Variants in SLC17A1 observed in about 807,000 individuals in gnomAD.
The protein encoded by SLC17A1 is sodium-dependent phosphate transport protein 1.
Under a neutral mutation model 53.5 loss-of-function variants are expected in SLC17A1, and 51 were observed. That is an observed-to-expected ratio of 0.95 (90% confidence interval 0.76 to 1.20). The LOEUF (loss-of-function observed/expected upper bound fraction) is 1.20, where lower values mean the gene tolerates loss of function less well. Among genes scored for constraint, SLC17A1 ranks in the 50% most tolerant of loss-of-function variants. The probability of loss-of-function intolerance (pLI) is 0.00; values close to 1 mark genes in which losing one functional copy is unlikely to be tolerated. For synonymous variants in SLC17A1, 179 were observed against 198.8 expected (o/e 0.90, Z 0.84); for missense variants, 538 against 568.2 (o/e 0.95, Z 0.54).
the SLC17A1 span, chr6:25,727,054 A>C: frequency 6.2e-7 from 1 of 1,614,280 alleles, no homozygotes; most frequent in Non-Finnish European, 8.5e-7. Context: ...GTGCTAAAGC[A>C]GGTCCATCCG....
the SLC17A1 span, chr6:25,777,136 T>C: frequency 4.2e-6 from 3 of 707,120 alleles, no homozygotes; most frequent in Non-Finnish European, 6.6e-6. Flanking sequence ...TGGTGGACCA[T>C]TGTGAACTTA....
intron 12 of SLC17A1, among the ~76,000 whole-genome samples, chr6:25,793,176 G>A (rs1289195259): frequency 6.6e-6 from 1 of 152,082 alleles, no homozygotes; most frequent in Non-Finnish European, 1.5e-5. Context: ...GGAATACTGA[G>A]CTCACTCCCA....
the SLC17A1 span, among the ~76,000 whole-genome samples, chr6:25,758,897 A>G: frequency 6.6e-6 from 1 of 151,770 alleles, no homozygotes; most frequent in Non-Finnish European, 1.5e-5. Flanking sequence ...TAGATTGTCT[A>G]TTTGTGCTCT....
intron 12 of SLC17A1, among the ~76,000 whole-genome samples, chr6:25,790,198 C>T (rs1009215109): frequency 9.9e-5 from 15 of 152,090 alleles, no homozygotes; most frequent in South Asian, 2.1e-4. Context: ...GTTAACAATA[C>T]TCCATCCGGG....
chr6:25,813,919 T>A (rs984571136), intron 6 of SLC17A1, among the ~76,000 whole-genome samples: 3 of 152,228 alleles, frequency 2.0e-5, no homozygotes, highest in African/African-American at 7.2e-5. Flanking sequence ...ACGATCTCCT[T>A]CTTTTTATGG....
Position 25,813,194 on chromosome 6 carries a change from T to C in SLC17A1, c.636A>G (p.Val212=), listed in dbSNP as rs200499157. Residue 212 remains valine, a synonymous_variant, in exon 7 of 13, where the codon GTA becomes GTG. Coordinates refer to ENST00000244527, the MANE Select transcript of SLC17A1 (RefSeq NM_005074.5). The stretch of plus-strand genomic sequence containing the variant: ...AAAACAGAACGAACCAGAGAAGACA[T>C]ACGGCACAGCCACAAGCACCTATCA... ...FYIFGACGCA[V]CLLWFVLFYD... is the part of the protein sequence containing the mutation. 1.2e-6 allele frequency: 2 copies of C among 1,614,102 alleles called. No homozygotes were observed. The highest frequency in any genetic ancestry group is 3.3e-5 in the Admixed American group (2 of 60,020).
chr6:25,762,088 A>G, the SLC17A1 span: 7 of 1,575,918 alleles, frequency 4.4e-6, no homozygotes, highest in Non-Finnish European at 6.1e-6. Flanking sequence ...TAGTAAATAA[A>G]ACTAGGATCT....
chr6:25,763,405 A>G, the SLC17A1 span, among the ~76,000 whole-genome samples: 1 of 152,244 alleles, frequency 6.6e-6, no homozygotes, highest in Admixed American at 6.5e-5. Flanking sequence ...AGTATTTCTC[A>G]CAAATGCTTA....
intron 10 of SLC17A1, among the ~76,000 whole-genome samples, chr6:25,805,312 T>C (rs1489473769): frequency 6.6e-6 from 1 of 151,788 alleles, no homozygotes; most frequent in Non-Finnish European, 1.5e-5. Context: ...GGGTTAACAA[T>C]GAAATCAAGA....
At chr6:25,785,125 T>C (rs1318047247) in intron 12 of SLC17A1, among the ~76,000 whole-genome samples, 2 of 151,982 alleles carry the variant, frequency 1.3e-5, no homozygotes, top group Admixed American at 6.6e-5. Flanking sequence ...CATCCAAAAA[T>C]GAAACTAAGA....
the SLC17A1 span, among the ~76,000 whole-genome samples, chr6:25,757,839 G>A: frequency 6.6e-6 from 1 of 152,328 alleles, no homozygotes; most frequent in Admixed American, 6.5e-5. Context: ...CATGTCAGGG[G>A]TGATATGTGT....
chr6:25,789,176 C>G (rs1247147189), intron 12 of SLC17A1, among the ~76,000 whole-genome samples: 8 of 152,138 alleles, frequency 5.3e-5, no homozygotes, highest in African/African-American at 1.9e-4. Context: ...AGGGCTTGGT[C>G]AGGGAAAAAC....
At chr6:25,732,929 C>A in the SLC17A1 span, 1 of 233,894 alleles carries the variant, frequency 4.3e-6, no homozygotes, top group Non-Finnish European at 8.5e-6. Context: ...AATCAAAGGC[C>A]CTTTTCAGAG....
the SLC17A1 span, chr6:25,726,825 A>AGTT: frequency 2.0e-6 from 3 of 1,468,550 alleles, no homozygotes; most frequent in Non-Finnish European, 2.8e-6. Flanking sequence ...GGAGCTGTTT[A>AGTT]ATACTGAAGA....
the SLC17A1 span, among the ~76,000 whole-genome samples, chr6:25,741,558 T>C: frequency 6.6e-6 from 1 of 151,662 alleles, no homozygotes; most frequent in Non-Finnish European, 1.5e-5. Context: ...GTACTGAAGA[T>C]ACAAAAATTA....
the SLC17A1 span, chr6:25,768,443 T>C: frequency 3.2e-6 from 3 of 938,600 alleles, no homozygotes; most frequent in African/African-American, 3.6e-5. Context: ...TGTGTAAGCA[T>C]AGATTATAGT....
intron 2 of SLC17A1, among the ~76,000 whole-genome samples, chr6:25,830,127 C>G (rs1486169925): frequency 3.9e-5 from 6 of 152,154 alleles, no homozygotes; most frequent in African/African-American, 1.4e-4. Flanking sequence ...TAAACAGCTT[C>G]TCTCAAAAAA....
chr6:25,726,481 T>C, the SLC17A1 span: 6 of 1,613,590 alleles, frequency 3.7e-6, no homozygotes, highest in Non-Finnish European at 4.2e-6. Context: ...AGAGCGAGAC[T>C]TAGACTTGGC....
At chr6:25,798,684 T>C in intron 12 of SLC17A1, 99 bp downstream of exon 12, 1 of 1,140,842 alleles carries the variant, frequency 8.8e-7, no homozygotes, top group Non-Finnish European at 1.2e-6. Context: ...TCTCCAAACC[T>C]GCACCCGTTA....
Sources: allele counts gnomAD v4.1 joint callset (sites outside exome capture counted in the v4.1 genomes callset), GRCh38; gene constraint gnomAD v4.1.1; transcripts MANE v1.5; gene names NCBI Gene and HGNC (gene_info 2026-07-23, HGNC 2026-07-21).